Variants in ZKSCAN1 observed in about 807,000 individuals in gnomAD.
ZKSCAN1 encodes zinc finger protein with KRAB and SCAN domains 1.
Under a neutral mutation model 51.6 loss-of-function variants are expected in ZKSCAN1, and 14 were observed. The ratio of observed to expected loss-of-function variants is 0.27; its 90% CI spans 0.18 to 0.42. The LOEUF is 0.42. ZKSCAN1 is among the 10% of genes least tolerant of loss of function. ZKSCAN1 has a pLI of 1.00. For synonymous variants in ZKSCAN1, 263 were observed against 261.5 expected, an observed-to-expected ratio of 1.01 and a Z score of -0.06; for missense variants, 531 against 710.0, an observed-to-expected ratio of 0.75 and a Z score of 2.86.
Position 100,035,989 on chromosome 7 carries a change from G to T in ZKSCAN1, c.*1792G>T, listed in dbSNP as rs1468158301. 7.1e-6 allele frequency: 7 copies of T among 985,386 alleles called. No homozygotes were observed. In the African/African-American group the frequency reaches 1.0e-4, roughly 15 times the overall value. 61.0% of individuals were successfully genotyped at this position (985,386 alleles called of 1,614,324 possible). On this transcript the variant is annotated 3_prime_UTR_variant, in exon 6 of 6. Transcript: ENST00000324306. ...TCAGTGTGACCTCCCCATAACAAGA[G>T]AACCCCATATATAGTTTGAGACTTT...
chr7:100,025,172 A>T (rs1437545623), intron 3 of ZKSCAN1, among the ~76,000 whole-genome samples: 1 of 152,002 alleles, frequency 6.6e-6, no homozygotes, highest in African/African-American at 2.4e-5. Context: ...AACAGATGTC[A>T]TTATTTTCAG....
At position 100,038,636 on chromosome 7, in the gene ZKSCAN1, G is replaced by C; in HGVS notation, c.*4439G>C. The C allele has an allele frequency of 2.0e-6, 2 of 985,466 alleles. No individual in the cohort carries two copies. Among genetic ancestry groups the C allele is most frequent in the Non-Finnish European group, 2.4e-6 (2 of 829,950 alleles). 61.0% of individuals were successfully genotyped at this position (985,466 alleles called of 1,614,324 possible). A position where few individuals can be genotyped will look rare whatever the true frequency, so the allele number is the denominator to read the frequency against. ...GGAATGGCCAAGTGGGACTGCTTCAGCTGACCAGGTTCTTTTAAACCGTAG... is the reference window on the plus strand; with the variant it reads ...GGAATGGCCAAGTGGGACTGCTTCACCTGACCAGGTTCTTTTAAACCGTAG... On this transcript the variant is annotated 3_prime_UTR_variant, in exon 6 of 6. Coordinates refer to ENST00000324306, the MANE Select transcript of ZKSCAN1 (RefSeq NM_003439.4).
At chr7:100,022,788 T>C (rs1790644823) in intron 1 of ZKSCAN1, among the ~76,000 whole-genome samples, 1 of 152,158 alleles carries the variant, frequency 6.6e-6, no homozygotes, top group Non-Finnish European at 1.5e-5. Context: ...AGATGGTGCG[T>C]GTACTGCTTT....
rs1357693024 is a variant in ZKSCAN1 at position 100,039,662 on chromosome 7, T to C, written c.*5465T>C. ...AACCAGGTTCATCCTACCATCCTCA[T>C]GGAAGACTGTGTGTATGAATTGGAG... On this transcript the variant is annotated 3_prime_UTR_variant, in exon 6 of 6. Coordinates refer to ENST00000324306, the MANE Select transcript of ZKSCAN1 (RefSeq NM_003439.4). 3.0e-6 allele frequency: 3 copies of C among 985,332 alleles called. No individual in the cohort carries two copies. The highest frequency in any genetic ancestry group is 3.6e-6 in the Non-Finnish European group (3 of 829,950). 61.0% of individuals were successfully genotyped at this position (985,332 alleles called of 1,614,324 possible).
intron 3 of ZKSCAN1, among the ~76,000 whole-genome samples, chr7:100,025,947 G>A (rs1021362258): frequency 6.6e-6 from 1 of 151,954 alleles, no homozygotes; most frequent in African/African-American, 2.4e-5. Flanking sequence ...TTGGCTGAGC[G>A]CAGTGGCTCA....
At chr7:100,022,884 G>GCAGGTAAATCACTCTGACTC (rs1790649620) in intron 1 of ZKSCAN1, among the ~76,000 whole-genome samples, 1 of 152,192 alleles carries the variant, frequency 6.6e-6, no homozygotes. Context: ...CTGTCAACCT[G>GCAGGTAAATCACTCTGACTC]CAGGTAAATC....
At chr7:100,017,034 T>C (rs1272760638) in intron 1 of ZKSCAN1, 2 of 152,224 alleles carry the variant, frequency 1.3e-5, no homozygotes, top group Non-Finnish European at 2.9e-5. Context: ...CTTAGTCTTT[T>C]GCTCATTCTC....
chr7:100,017,761 A>G (rs1471577315), intron 1 of ZKSCAN1, among the ~76,000 whole-genome samples: 1 of 151,788 alleles, frequency 6.6e-6, no homozygotes, highest in East Asian at 1.9e-4. Context: ...CCCCCACCCT[A>G]CCCCCATTTG....
chr7:100,040,510 G>A lies in ZKSCAN1; in HGVS notation c.*6313G>A, dbSNP rs918486529. 4 of 985,312 alleles carry A rather than the reference G, an allele frequency of 4.1e-6. No homozygotes were observed. The African/African-American group carries it at 5.2e-5, about 13-fold the overall frequency. The allele number at this position is 985,312 out of a possible 1,614,324, so 61.0% of individuals were successfully genotyped here. A position where few individuals can be genotyped will look rare whatever the true frequency, so the allele number is the denominator to read the frequency against. ...TGAGATCTGTGAGTGATTGAAAGGT[G>A]ATATTTAAAAACTTGGATTTCATTC... On this transcript the variant is annotated 3_prime_UTR_variant, in exon 6 of 6. Coordinates refer to ENST00000324306, the MANE Select transcript of ZKSCAN1 (RefSeq NM_003439.4).
chr7:100,033,822 C>G lies in ZKSCAN1; in HGVS notation c.1317C>G (p.Gly439=), dbSNP rs776229204. The part of the protein sequence containing the change: ...GEKPHECNEC[G]KAFSHSSNLI... The stretch of plus-strand genomic sequence containing the variant: ...AACCTCATGAATGTAACGAGTGTGG[C>G]AAGGCCTTCAGCCACAGTTCCAATC... The change falls in exon 6 of 6, where the codon GGC becomes GGG. Residue 439 remains glycine (G), a synonymous_variant. Transcript: ENST00000324306. The surrounding 1 kb of genome is among the most constrained non-coding windows in gnomAD (Gnocchi z 4.1). 1 of 1,614,202 alleles carries G rather than the reference C, an allele frequency of 6.2e-7. No homozygotes were observed. The highest frequency in any genetic ancestry group is 1.1e-5 in the South Asian group (1 of 91,086).
At position 100,036,157 on chromosome 7, in the gene ZKSCAN1, G is replaced by A. The variant is rs1791354909; in HGVS notation, c.*1960G>A. ...AGTGGTCATTCTTTGGCCTCTCCTT[G>A]GCTTTATGACTTAAACCAACTACAA... On this transcript the variant is annotated 3_prime_UTR_variant, in exon 6 of 6. Transcript: ENST00000324306. 1 of 985,286 alleles carries A rather than the reference G, an allele frequency of 1.0e-6. No individual in the cohort carries two copies. The highest frequency in any genetic ancestry group is 1.2e-6 in the Non-Finnish European group (1 of 829,872). The allele number at this position is 985,286 out of a possible 1,614,324, so 61.0% of individuals were successfully genotyped here. A position where few individuals can be genotyped will look rare whatever the true frequency, so the allele number is the denominator to read the frequency against.
chr7:100,033,740 A>G lies in ZKSCAN1; in HGVS notation c.1235A>G (p.Lys412Arg). The G allele has an allele frequency of 6.2e-7, 1 of 1,614,194 alleles. No homozygotes were observed. Among genetic ancestry groups the G allele is most frequent in the South Asian group, 1.1e-5 (1 of 91,082 alleles). ...EKPYECSECG[K>R]AFSLNSNLVL... ...CCCTATGAATGTAGTGAGTGTGGGA[A>G]AGCCTTCAGTCTTAACTCCAACCTT... is the stretch of plus-strand genomic sequence containing the variant. Residue 412 changes from lysine to arginine, a missense_variant, in exon 6 of 6, where the codon AAA becomes AGA. Lys to Arg is a conservative substitution (Grantham distance 26, BLOSUM62 2). This residue lies in a region of ZKSCAN1 where 128 missense variants were observed against 219.5 expected (regional missense o/e 0.58). Coordinates refer to ENST00000324306, the MANE Select transcript of ZKSCAN1 (RefSeq NM_003439.4). The surrounding 1 kb of genome is among the most constrained non-coding windows in gnomAD (Gnocchi z 4.1).
In ZKSCAN1 at chr7:100,023,634, C is replaced by T; in HGVS notation, c.128C>T (p.Thr43Ile). ...EEDHMWGQDS[T>I]LQDTPPPDPE... The stretch of plus-strand genomic sequence containing the variant: ...GACCACATGTGGGGGCAGGATTCCA[C>T]CCTACAGGACACGCCTCCTCCAGAC... The change falls in exon 2 of 6, where the codon ACC becomes ATC. Residue 43 changes from threonine (T) to isoleucine (I), a missense_variant. Transcript: ENST00000324306. 1 of 1,614,096 alleles carries T rather than the reference C, an allele frequency of 6.2e-7. No homozygotes were observed. Among genetic ancestry groups the T allele is most frequent in the Non-Finnish European group, 8.5e-7 (1 of 1,180,038 alleles).
downstream of ZKSCAN1, chr7:100,041,791 C>T: frequency 1.0e-6 from 1 of 959,234 alleles, no homozygotes. Flanking sequence ...AGTTAAAAGA[C>T]TGGAGCTGCA....
intron 1 of ZKSCAN1, among the ~76,000 whole-genome samples, chr7:100,017,128 A>G (rs1790401016): frequency 6.6e-6 from 1 of 152,148 alleles, no homozygotes; most frequent in Non-Finnish European, 1.5e-5. Context: ...TTCTTTGAAT[A>G]GCTAGCTGTC....
rs370594545 is a variant in ZKSCAN1 at position 100,037,766 on chromosome 7, G to A, written c.*3569G>A. 2.9e-5 allele frequency: 28 copies of A among 976,038 alleles called. No homozygotes were observed. Among genetic ancestry groups the A allele is most frequent in the African/African-American group, 1.9e-4 (11 of 57,126 alleles). The allele number at this position is 976,038 out of a possible 1,614,324, so 60.5% of individuals were successfully genotyped here. A position where few individuals can be genotyped will look rare whatever the true frequency, so the allele number is the denominator to read the frequency against. On this transcript the variant is annotated 3_prime_UTR_variant, in exon 6 of 6. Coordinates refer to ENST00000324306, the MANE Select transcript of ZKSCAN1 (RefSeq NM_003439.4). ...GGCGCCGTGGCTCACGCCTGTAATC[G>A]CAGCACTTTGGGAGGCCGAGGCAGG...
chr7:100,044,844 G>A, downstream of ZKSCAN1: 1 of 985,270 alleles, frequency 1.0e-6, no homozygotes, highest in Non-Finnish European at 1.2e-6. Context: ...GAAGAAAAAG[G>A]ACATGTTCGG....
At chr7:100,019,347 C>G (rs955977514) in intron 1 of ZKSCAN1, 2 of 152,178 alleles carry the variant, frequency 1.3e-5, no homozygotes, top group African/African-American at 2.4e-5. Flanking sequence ...GCTGAGATTA[C>G]AGGTATGTGC....
chr7:100,028,009 T>C (rs1222115288), intron 3 of ZKSCAN1, among the ~76,000 whole-genome samples: 1 of 152,164 alleles, frequency 6.6e-6, no homozygotes, highest in South Asian at 2.1e-4. Flanking sequence ...CTCAATTTCC[T>C]CTTTCTTATT....
Sources: gnomAD v4.1 joint callset for allele counts (sites outside exome capture counted in the v4.1 genomes callset) on GRCh38, gnomAD v4.1.1 for gene constraint, gnomAD v4.1.1 regional missense constraint, Gnocchi (gnomAD v3.1) non-coding constraint, MANE v1.5 for transcripts, NCBI Gene and HGNC (gene_info 2026-07-23, HGNC 2026-07-21) for gene names.